Variants in HHAT observed in about 807,000 individuals in gnomAD.
HHAT encodes the protein protein-cysteine N-palmitoyltransferase HHAT.
HHAT carries 47 observed loss-of-function variants against 70.8 expected under a neutral mutation model. The ratio of observed to expected loss-of-function variants is 0.66; its 90% CI spans 0.53 to 0.85. The LOEUF is 0.85. Ranked by LOEUF, HHAT falls within the 40% of genes least tolerant of loss-of-function variation. The pLI, the probability that HHAT is intolerant of heterozygous loss-of-function variation, is 0.00. For synonymous variants in HHAT, 228 were observed against 247.6 expected, an observed-to-expected ratio of 0.92 and a Z score of 0.74; for missense variants, 609 against 604.8, an observed-to-expected ratio of 1.01 and a Z score of -0.07.
rs185985574 is a variant in HHAT, at chr1:210,635,796, A to G, written c.1390+12126A>G. 2.1e-3 allele frequency among the ~76,000 whole-genome samples: 325 copies of G among 152,338 alleles called. 2 individuals carry two copies. The highest frequency in any genetic ancestry group is 1.4e-3 in the Non-Finnish European group (98 of 68,038). The stretch of plus-strand genomic sequence containing the variant: ...CCTCTGTTTCTTTGGCTTTGCCCCT[A>G]GAATTTGAAAGGATATGCAAGTGCC... On this transcript the variant is annotated intron_variant, in intron 11 of 11. Transcript: ENST00000261458.
intron 11 of HHAT, among the ~76,000 whole-genome samples, chr1:210,651,255 A>G (rs1675067168): frequency 6.6e-6 from 1 of 152,226 alleles, no homozygotes; most frequent in African/African-American, 2.4e-5. Flanking sequence ...TCTGGTCTAC[A>G]GTTGGGAGTT....
chr1:210,477,068 AG>A (rs2094316284), intron 8 of HHAT, among the ~76,000 whole-genome samples: 1 of 152,174 alleles, frequency 6.6e-6, no homozygotes, highest in African/African-American at 2.4e-5. Context: ...CTTAAATGGG[AG>A]TTTTTACTGA....
At chr1:210,560,019 G>C (rs17016440) in intron 9 of HHAT, among the ~76,000 whole-genome samples, 9,069 of 152,110 alleles carry the variant, frequency 0.06, 864 homozygotes, top group African/African-American at 0.2. Flanking sequence ...CCCTGGGATC[G>C]TGTGTCTTTC....
chr1:210,398,700 G>T (rs2073038), intron 4 of HHAT, among the ~76,000 whole-genome samples: 33,631 of 152,056 alleles, frequency 0.22, 4,161 homozygotes, highest in Admixed American at 0.29. Context: ...GCACAAAAAA[G>T]AATTCCATTG....
chr1:210,442,409 C>T (rs1192617159), intron 7 of HHAT, among the ~76,000 whole-genome samples: 7 of 145,226 alleles, frequency 4.8e-5, no homozygotes. Context: ...AGTTCTAGAT[C>T]CCTGAGGAAT....
intron 11 of HHAT, among the ~76,000 whole-genome samples, chr1:210,651,510 C>T (rs1675147928): frequency 6.6e-6 from 1 of 152,130 alleles, no homozygotes; most frequent in Admixed American, 6.5e-5. Flanking sequence ...GGCAGCTGTG[C>T]TTAGGCCTCT....
chr1:210,405,343 T>C (rs895851568), intron 6 of HHAT, among the ~76,000 whole-genome samples: 3 of 152,192 alleles, frequency 2.0e-5, no homozygotes, highest in African/African-American at 7.2e-5. Flanking sequence ...TTCTTTTTTT[T>C]CTGCCTCCTC....
At chr1:210,508,280 A>G (rs1450015430) in intron 8 of HHAT, among the ~76,000 whole-genome samples, 3 of 152,120 alleles carry the variant, frequency 2.0e-5, no homozygotes, top group Admixed American at 6.5e-5. Flanking sequence ...ATGTAATAAT[A>G]ATGATAATAG....
At chr1:210,371,262 G>C (rs570746062) in intron 3 of HHAT, among the ~76,000 whole-genome samples, 4 of 151,840 alleles carry the variant, frequency 2.6e-5, no homozygotes, top group Non-Finnish European at 4.4e-5. Context: ...AGCGATTCTC[G>C]TGCCTCAGCC....
At chr1:210,448,102 T>TGA (rs2093671637) in intron 7 of HHAT, among the ~76,000 whole-genome samples, 1 of 146,876 alleles carries the variant, frequency 6.8e-6, no homozygotes, top group Admixed American at 6.8e-5. Context: ...TTTTTTGAGA[T>TGA]GAAGTCTCGT....
chr1:210,561,640 C>T (rs2095623541), intron 9 of HHAT, among the ~76,000 whole-genome samples: 1 of 152,170 alleles, frequency 6.6e-6, no homozygotes, highest in African/African-American at 2.4e-5. Context: ...CTTTTTTCTG[C>T]ATTTATTTTA....
intron 6 of HHAT, among the ~76,000 whole-genome samples, chr1:210,409,553 A>G (rs187179560): frequency 2.9e-4 from 44 of 152,252 alleles, no homozygotes; most frequent in Admixed American, 8.5e-4. Flanking sequence ...GACCAGTATA[A>G]AGGAATACAA....
chr1:210,667,282 T>C (rs1679112311), intron 11 of HHAT, among the ~76,000 whole-genome samples: 1 of 151,754 alleles, frequency 6.6e-6, no homozygotes, highest in African/African-American at 2.4e-5. Context: ...CTCGGGAGGC[T>C]GAGGCAGGAG....
intron 8 of HHAT, among the ~76,000 whole-genome samples, chr1:210,480,553 A>T (rs1402137434): frequency 6.6e-6 from 1 of 152,166 alleles, no homozygotes; most frequent in Non-Finnish European, 1.5e-5. Context: ...CAGGGATTTT[A>T]GTTACTAAGG....
chr1:210,393,089 T>A (rs867800200), intron 4 of HHAT, among the ~76,000 whole-genome samples: 6 of 152,190 alleles, frequency 3.9e-5, no homozygotes, highest in Middle Eastern at 3.4e-3. Context: ...CTTAAACAAG[T>A]TCCTGAATAT....
intron 2 of HHAT, among the ~76,000 whole-genome samples, chr1:210,352,817 G>A (rs777884424): frequency 7.2e-5 from 11 of 152,120 alleles, no homozygotes; most frequent in South Asian, 2.1e-4. Context: ...ATAGTGATCC[G>A]CTATGCTGGC....
chr1:210,444,384 T>G (rs1192646624), intron 7 of HHAT, among the ~76,000 whole-genome samples: 2 of 143,416 alleles, frequency 1.4e-5, no homozygotes, highest in African/African-American at 2.5e-5. Context: ...GAGGATTCCC[T>G]CTTTTTCTAT....
At chr1:210,617,225 A>G (rs960510474) in intron 10 of HHAT, among the ~76,000 whole-genome samples, 12 of 152,364 alleles carry the variant, frequency 7.9e-5, no homozygotes, top group African/African-American at 1.4e-4. Context: ...ATGTTTGGGG[A>G]ACACTGAAGA....
chr1:210,604,692 G>A (rs56219586), intron 10 of HHAT, among the ~76,000 whole-genome samples: 2,614 of 152,230 alleles, frequency 0.017, 22 homozygotes, highest in Non-Finnish European at 0.028. Context: ...GGGAGGTTTT[G>A]ATTAGCTGAT....
Sources: allele counts gnomAD v4.1 joint callset (sites outside exome capture counted in the v4.1 genomes callset), GRCh38; gene constraint gnomAD v4.1.1; transcripts MANE v1.5; gene names NCBI Gene and HGNC (gene_info 2026-07-23, HGNC 2026-07-21).